Variants in RTEL1 observed in about 807,000 individuals in gnomAD.
RTEL1 encodes the protein regulator of telomere length.
RTEL1 carries 86 observed loss-of-function variants against 162.2 expected under a neutral mutation model. The observed-to-expected ratio is 0.53, with a 90% CI of 0.45 to 0.63. RTEL1 has a LOEUF of 0.63. Ranked by LOEUF, RTEL1 falls within the 30% of genes least tolerant of loss-of-function variation. The pLI, the probability that RTEL1 is intolerant of heterozygous loss-of-function variation, is 0.00. For missense variants in RTEL1, 1,941 were observed against 1,750.2 expected (o/e 1.11, Z -1.95); for synonymous variants, 958 against 717.9 (o/e 1.33, Z -5.35).
chr20:63,669,607 C>A (rs538771119), intron 8 of RTEL1, among the ~76,000 whole-genome samples: 2 of 152,252 alleles, frequency 1.3e-5, no homozygotes, highest in African/African-American at 4.8e-5. Flanking sequence ...GCAAACAACC[C>A]ACTTAACCAC....
At chr20:63,694,249 G>C (rs999536535) in intron 30 of RTEL1, 123 bp from the exon 31 acceptor site, 1 of 809,928 alleles carries the variant, frequency 1.2e-6, no homozygotes, top group Admixed American at 1.9e-5. Context: ...GTACCTGCCT[G>C]GGTTTTCCCG....
rs373058034 is a variant in RTEL1, at chr20:63,687,702, C to T, written c.1413C>T (p.Gly471=). The part of the protein sequence containing the change: ...GHSMHELVRQ[G]VRSLILTSGT... ...GCATGCACGAGCTGGTCCGCCAGGG[C>T]GTCCGCTCCCTCATCCTTACCAGCG... The change falls in exon 17 of 35, where the codon GGC becomes GGT. Residue 471 remains glycine (G), a synonymous_variant. Transcript: ENST00000360203. 2.3e-5 allele frequency: 37 copies of T among 1,605,668 alleles called. No homozygotes were observed. The highest frequency in any genetic ancestry group is 1.3e-4 in the South Asian group (12 of 89,984).
chr20:63,660,355 C>T (rs186257265), intron 2 of RTEL1, among the ~76,000 whole-genome samples: 2 of 152,256 alleles, frequency 1.3e-5, no homozygotes, highest in Non-Finnish European at 2.9e-5. Context: ...CAATACCCGG[C>T]TTTCCAGGGC....
In RTEL1 at chr20:63,672,549, C is replaced by T. The variant is rs762108680; in HGVS notation, c.700-7C>T. 2.5e-6 allele frequency: 4 copies of T among 1,572,912 alleles called. No homozygotes were observed. In the Admixed American group the frequency reaches 7.4e-5, roughly 29 times the overall value. ...CCAGCGCTGCGTCCCTTCTCTTCCT[C>T]CTGTAGAGCCGCAGAGCACACAACA... On this transcript the variant is annotated splice_polypyrimidine_tract_variant and splice_region_variant and intron_variant, in intron 8 of 34. Coordinates refer to ENST00000360203, the MANE Select transcript of RTEL1 (RefSeq NM_001283009.2).
chr20:63,674,077 G>A lies in RTEL1; in HGVS notation c.903G>A (p.Ala301=), dbSNP rs377191081. The change falls in exon 10 of 35, where the codon GCG becomes GCA. Residue 301 remains alanine (A), a synonymous_variant. Transcript: ENST00000360203. ...QQGEPHPEFS[A]DSPSPGLNME... is the part of the protein sequence containing the mutation. ...GTGAGCCCCACCCGGAGTTCAGCGC[G>A]GACTCCCCCAGCCCAGGTGCGTTCA... 1.7e-5 allele frequency: 27 copies of A among 1,611,558 alleles called. No homozygotes were observed. Among genetic ancestry groups the A allele is most frequent in the African/African-American group, 1.3e-4 (10 of 74,306 alleles).
intron 13 of RTEL1, among the ~76,000 whole-genome samples, chr20:63,680,252 G>A (rs1298550685): frequency 2.6e-5 from 4 of 152,210 alleles, no homozygotes; most frequent in African/African-American, 4.8e-5. Context: ...ACACCACCCC[G>A]AGTTCTGCTT....
At chr20:63,672,658 C>T in intron 9 of RTEL1, 37 bp downstream of exon 9, 1 of 1,520,336 alleles carries the variant, frequency 6.6e-7, no homozygotes, top group South Asian at 1.2e-5. Context: ...CCTCCTATTG[C>T]TTCTGGCCTT....
At chr20:63,682,829 T>C (rs2090506008) in intron 14 of RTEL1, among the ~76,000 whole-genome samples, 2 of 152,204 alleles carry the variant, frequency 1.3e-5, no homozygotes, top group African/African-American at 2.4e-5. Flanking sequence ...AAGTCAGGGC[T>C]TAGCTGGAGG....
intron 10 of RTEL1, among the ~76,000 whole-genome samples, chr20:63,675,939 C>A (rs1227874367): frequency 2.6e-5 from 4 of 152,198 alleles, no homozygotes; most frequent in Admixed American, 6.5e-5. Flanking sequence ...CACCACGGGG[C>A]CTTCTCCACT....
intron 34 of RTEL1, 32 bp downstream of exon 34, chr20:63,695,682 G>C (rs1317718342): frequency 6.2e-7 from 1 of 1,610,374 alleles, no homozygotes; most frequent in East Asian, 2.2e-5. Flanking sequence ...TTCCTGCTGG[G>C]TGTAGCCCCA....
At chr20:63,689,309 G>A (rs2090669352) in intron 22 of RTEL1, among the ~76,000 whole-genome samples, 177 bp downstream of exon 22, 1 of 152,182 alleles carries the variant, frequency 6.6e-6, no homozygotes, top group South Asian at 2.1e-4. Flanking sequence ...AGGCAGGATG[G>A]GAGTTTCCTG....
rs201356718 is a variant in RTEL1, at chr20:63,694,481, C to T, written c.3102C>T (p.Pro1034=). ...QGRPHLSPRP[P]PTGDPGSQPQ... is the part of the protein sequence containing the mutation. ...GGCCCCACCTGTCGCCCAGGCCACC[C>T]CCAACAGGTAGCTGACTCCTGAACC... Residue 1034 remains proline, a synonymous_variant, in exon 31 of 35, where the codon CCC becomes CCT. Transcript: ENST00000360203. 1.4e-5 allele frequency: 23 copies of T among 1,596,948 alleles called. No individual in the cohort carries two copies. Among genetic ancestry groups the T allele is most frequent in the African/African-American group, 6.7e-5 (5 of 74,626 alleles).
At position 63,662,835 on chromosome 20, in the gene RTEL1, T is replaced by G; in HGVS notation, c.484T>G (p.Leu162Val). The change falls in exon 6 of 35, where the codon TTG (leucine) becomes GTG (valine). Residue 162 changes from leucine (L) to valine (V), a missense_variant. Coordinates refer to ENST00000360203, the MANE Select transcript of RTEL1 (RefSeq NM_001283009.2). Reference sequence around the variant, plus strand: ...TCTGCCCTTCCTCCCACAGATCCACTTGTGCCGTAAGAAGGTGGCAAGTCG... The same window carrying G: ...TCTGCCCTTCCTCCCACAGATCCACGTGTGCCGTAAGAAGGTGGCAAGTCG... ...KQESNHLQIH[L>V]CRKKVASRSC... is the part of the protein sequence containing the mutation. The G allele has an allele frequency of 6.2e-7, 1 of 1,613,950 alleles. No individual in the cohort carries two copies. Among genetic ancestry groups the G allele is most frequent in the South Asian group, 1.1e-5 (1 of 91,084 alleles).
rs200941691 is a variant in RTEL1, at chr20:63,693,289, T to C, written c.2992+6T>C. On this transcript the variant is annotated splice_donor_region_variant and intron_variant, in intron 30 of 34. Coordinates refer to ENST00000360203, the MANE Select transcript of RTEL1 (RefSeq NM_001283009.2). ...GCCGGTCCTGGACCCCACTGGTAAA[T>C]GGGGCCCCAGGTGGGACCCTCAGAC... is the stretch of plus-strand genomic sequence containing the variant. 4.3e-6 allele frequency: 7 copies of C among 1,611,282 alleles called. No homozygotes were observed. The Admixed American group carries it at 8.3e-5, about 19-fold the overall frequency.
intron 10 of RTEL1, among the ~76,000 whole-genome samples, chr20:63,675,972 A>G (rs2146203926): frequency 6.6e-6 from 1 of 152,252 alleles, no homozygotes; most frequent in East Asian, 1.9e-4. Flanking sequence ...TAGTTACTTG[A>G]TGTGCAGGGC....
chr20:63,662,822 C>T lies in RTEL1; in HGVS notation c.478-7C>T. ...TTCAGCTGCGCACTCTGCCCTTCCTCCCACAGATCCACTTGTGCCGTAAGA... is the reference window on the plus strand; with the variant it reads ...TTCAGCTGCGCACTCTGCCCTTCCTTCCACAGATCCACTTGTGCCGTAAGA... On this transcript the variant is annotated splice_region_variant and splice_polypyrimidine_tract_variant and intron_variant, in intron 5 of 34. Transcript: ENST00000360203. 1 of 1,613,814 alleles carries T rather than the reference C, an allele frequency of 6.2e-7. No individual in the cohort carries two copies. The highest frequency in any genetic ancestry group is 8.5e-7 in the Non-Finnish European group (1 of 1,180,012).
intron 6 of RTEL1, among the ~76,000 whole-genome samples, chr20:63,664,424 CGCTGGGCCTGGTACCTGGTGGGGAT>C (rs1207906783): frequency 5.3e-5 from 8 of 151,698 alleles, no homozygotes; most frequent in Non-Finnish European, 7.4e-5. Context: ...CTGGTGGGGA[CGCTGGGCCTGGTACCTGGTGGGGAT>C]GCTGGGCCTG....
At position 63,685,451 on chromosome 20, in the gene RTEL1, T is replaced by C. The variant is rs1007387768; in HGVS notation, c.1192-72T>C. 3.4e-6 allele frequency: 5 copies of C among 1,479,964 alleles called. No individual in the cohort carries two copies. In the African/African-American group the frequency reaches 4.1e-5, roughly 12 times the overall value. 91.7% of individuals were successfully genotyped at this position (1,479,964 alleles called of 1,614,324 possible). A position where few individuals can be genotyped will look rare whatever the true frequency, so the allele number is the denominator to read the frequency against. ...CCTGGGTGTCCTGTGACCTTCTGTG[T>C]ATGCGGCTGATGCTGCAGAAAGTCG... On this transcript the variant is annotated intron_variant, in intron 14 of 34. Transcript: ENST00000360203.
In RTEL1 at chr20:63,692,823, G is replaced by A; in HGVS notation, c.2671G>A (p.Ala891Thr). The A allele has an allele frequency of 1.2e-6, 2 of 1,612,132 alleles. No individual in the cohort carries two copies. Among genetic ancestry groups the A allele is most frequent in the Non-Finnish European group, 1.7e-6 (2 of 1,179,562 alleles). Residue 891 changes from alanine (A) to threonine (T), a missense_variant, in exon 29 of 35, where the codon GCA becomes ACA. Physicochemically the swap from Ala to Thr is moderately conservative, Grantham distance 58. Coordinates refer to ENST00000360203, the MANE Select transcript of RTEL1 (RefSeq NM_001283009.2). ...VSHPEEPVAG[A>T]QTDRAKLFMV... ...CCTGCAGGAGGAGCCCGTGGCTGGT[G>A]CACAGACGGACAGGGCCAAGCTCTT...
Sources: gnomAD v4.1 joint callset for allele counts (sites outside exome capture counted in the v4.1 genomes callset) on GRCh38, gnomAD v4.1.1 for gene constraint, MANE v1.5 for transcripts, NCBI Gene and HGNC (gene_info 2026-07-23, HGNC 2026-07-21) for gene names.